Variants in LRBA observed in about 807,000 individuals in gnomAD.
LRBA encodes the protein LPS responsive beige-like anchor protein.
Under a neutral mutation model 330.0 loss-of-function variants are expected in LRBA, and 176 were observed. The observed-to-expected ratio is 0.53, with a 90% CI of 0.47 to 0.60. The LOEUF (loss-of-function observed/expected upper bound fraction) is 0.60. Ranked by LOEUF, LRBA falls within the 20% of genes least tolerant of loss-of-function variation. The probability of loss-of-function intolerance (pLI) is 0.00; values close to 1 mark genes in which losing one functional copy is unlikely to be tolerated. For synonymous variants in LRBA, 1,230 were observed against 1,193.0 expected, an observed-to-expected ratio of 1.03 and a Z score of -0.64; for missense variants, 3,259 against 3,444.8, an observed-to-expected ratio of 0.95 and a Z score of 1.35.
chr4:150,436,908 C>A lies in LRBA; in HGVS notation c.6781-44G>T, dbSNP rs779587999. 4 of 1,572,370 alleles carry A rather than the reference C, an allele frequency of 2.5e-6. No individual in the cohort carries two copies. In the South Asian group the frequency reaches 4.5e-5, roughly 18 times the overall value. On this transcript the variant is annotated intron_variant, in intron 44 of 56. Coordinates refer to ENST00000651943, the MANE Select transcript of LRBA (RefSeq NM_001364905.1). Reference sequence around the variant, plus strand: ...AAAACAAAGAATACATCAATGTAATCATCCTTCATGTCTTCCTCTCTTCTG... The same window carrying A: ...AAAACAAAGAATACATCAATGTAATAATCCTTCATGTCTTCCTCTCTTCTG...
chr4:150,736,715 G>GA (rs1259438384), intron 35 of LRBA, among the ~76,000 whole-genome samples: 1 of 152,050 alleles, frequency 6.6e-6, no homozygotes, highest in South Asian at 2.1e-4. Flanking sequence ...TCAAAACTGG[G>GA]AAAAAACACT....
chr4:150,833,784 A>C (rs1747574640), intron 28 of LRBA, among the ~76,000 whole-genome samples: 1 of 152,194 alleles, frequency 6.6e-6, no homozygotes, highest in Non-Finnish European at 1.5e-5. Context: ...CATTAACTGA[A>C]TCTTTCTTTC....
At chr4:150,732,523 TTATC>T (rs1233640588) in intron 36 of LRBA, among the ~76,000 whole-genome samples, 1 of 152,086 alleles carries the variant, frequency 6.6e-6, no homozygotes, top group East Asian at 1.9e-4. Flanking sequence ...AGATAATAAT[TTATC>T]TAATTTACAT....
chr4:151,008,616 G>A (rs1034474610), intron 2 of LRBA, among the ~76,000 whole-genome samples: 3 of 151,706 alleles, frequency 2.0e-5, no homozygotes, highest in African/African-American at 7.3e-5. Flanking sequence ...CCATATAAAT[G>A]GACCCATGCA....
intron 47 of LRBA, among the ~76,000 whole-genome samples, chr4:150,387,845 T>C (rs984380771): frequency 1.3e-5 from 2 of 152,148 alleles, no homozygotes; most frequent in African/African-American, 4.8e-5. Flanking sequence ...ATTACTAAAG[T>C]TACCTTTGGA....
intron 40 of LRBA, among the ~76,000 whole-genome samples, chr4:150,519,160 A>C (rs1762659770): frequency 6.6e-6 from 1 of 152,214 alleles, no homozygotes; most frequent in Non-Finnish European, 1.5e-5. Flanking sequence ...TTTAAGAATT[A>C]AAATAAGAGA....
At chr4:150,339,360 A>G (rs1006294340) in intron 48 of LRBA, among the ~76,000 whole-genome samples, 1 of 152,196 alleles carries the variant, frequency 6.6e-6, no homozygotes, top group Non-Finnish European at 1.5e-5. Context: ...GAATGTTGAG[A>G]AAGAACATGG....
At chr4:150,838,366 G>A (rs1400145628) in intron 28 of LRBA, among the ~76,000 whole-genome samples, 1 of 152,074 alleles carries the variant, frequency 6.6e-6, no homozygotes, top group Non-Finnish European at 1.5e-5. Flanking sequence ...AGTCCTCCTG[G>A]ATAATATACT....
At chr4:150,285,322 C>T (rs1183295156) in intron 54 of LRBA, among the ~76,000 whole-genome samples, 4 of 152,212 alleles carry the variant, frequency 2.6e-5, no homozygotes, top group East Asian at 1.9e-4. Flanking sequence ...CAGCTCCATT[C>T]CTAGTCAGAT....
At chr4:150,722,873 C>A (rs1004793098) in intron 36 of LRBA, among the ~76,000 whole-genome samples, 6 of 152,076 alleles carry the variant, frequency 3.9e-5, no homozygotes, top group South Asian at 2.1e-4. Context: ...AGTGGCCATG[C>A]ACTGCAGACA....
intron 2 of LRBA, among the ~76,000 whole-genome samples, chr4:150,944,397 G>C (rs548934558): frequency 1.4e-4 from 22 of 152,178 alleles, no homozygotes; most frequent in African/African-American, 5.3e-4. Flanking sequence ...CACTTTACAT[G>C]GATTATCATA....
intron 37 of LRBA, among the ~76,000 whole-genome samples, chr4:150,663,591 C>T (rs1171855063): frequency 1.3e-5 from 2 of 150,390 alleles, no homozygotes; most frequent in African/African-American, 4.9e-5. Flanking sequence ...GTACAAAAGA[C>T]ATCCATGGAA....
intron 37 of LRBA, among the ~76,000 whole-genome samples, chr4:150,659,859 T>G (rs1305934235): frequency 3.2e-4 from 19 of 60,036 alleles, no homozygotes; most frequent in Admixed American, 1.1e-3. Context: ...GGTGGGGGGG[T>G]CAGCCCCCCC....
chr4:150,883,836 C>G (rs1351086092), intron 17 of LRBA, among the ~76,000 whole-genome samples: 1 of 151,990 alleles, frequency 6.6e-6, no homozygotes, highest in Non-Finnish European at 1.5e-5. Flanking sequence ...TTTTTTATTT[C>G]TTCACAGTAA....
At chr4:150,921,169 G>T in intron 5 of LRBA, 29 bp downstream of exon 5, 2 of 1,401,106 alleles carry the variant, frequency 1.4e-6, no homozygotes, top group African/African-American at 1.4e-5. Context: ...GAAGAACTGG[G>T]AGTGATTTCC....
intron 4 of LRBA, among the ~76,000 whole-genome samples, chr4:150,925,869 G>A (rs1263348405): frequency 6.6e-6 from 1 of 152,100 alleles, no homozygotes; most frequent in Non-Finnish European, 1.5e-5. Context: ...AATAGGACCT[G>A]GACTTACCAA....
intron 56 of LRBA, among the ~76,000 whole-genome samples, chr4:150,267,591 C>T (rs1328365068): frequency 6.6e-6 from 1 of 152,094 alleles, no homozygotes; most frequent in Non-Finnish European, 1.5e-5. Context: ...AATAACCTAA[C>T]TTTACCTCTT....
At chr4:151,000,252 C>T (rs984737929) in intron 2 of LRBA, among the ~76,000 whole-genome samples, 4 of 152,138 alleles carry the variant, frequency 2.6e-5, no homozygotes, top group Admixed American at 6.6e-5. Context: ...GTATTTTCAA[C>T]TTACAATATT....
intron 37 of LRBA, among the ~76,000 whole-genome samples, chr4:150,639,374 A>AAAAAAAAAAAAAAG (rs1778283660): frequency 7.6e-6 from 1 of 131,614 alleles, no homozygotes; most frequent in African/African-American, 3.0e-5. Context: ...AAAAAAAAAG[A>AAAAAAAAAAAAAAG]AAAAAAAAAA....
Sources: allele counts gnomAD v4.1 joint callset (sites outside exome capture counted in the v4.1 genomes callset), GRCh38; gene constraint gnomAD v4.1.1; transcripts MANE v1.5; gene names NCBI Gene and HGNC (gene_info 2026-07-23, HGNC 2026-07-21).